Variants in ARHGEF3 observed in about 807,000 individuals in gnomAD.
The protein encoded by ARHGEF3 is Rho guanine nucleotide exchange factor 3.
A neutral mutation model predicts 63.2 loss-of-function variants in ARHGEF3; 28 were observed. The ratio of observed to expected loss-of-function variants is 0.44; its 90% CI spans 0.33 to 0.61. ARHGEF3 has a LOEUF of 0.61. Among genes scored for constraint, ARHGEF3 ranks in the 20% least tolerant of loss-of-function variants. The pLI, the probability that ARHGEF3 is intolerant of heterozygous loss-of-function variation, is 0.03. For missense variants in ARHGEF3, 533 were observed against 659.3 expected (o/e 0.81, Z 2.10); for synonymous variants, 266 against 254.2 (o/e 1.05, Z -0.44).
chr3:56,903,854 C>T (rs2041602472), intron 3 of ARHGEF3, among the ~76,000 whole-genome samples: 1 of 152,066 alleles, frequency 6.6e-6, no homozygotes, highest in African/African-American at 2.4e-5. Flanking sequence ...TCAATATACA[C>T]AGTATTAGAA....
chr3:56,923,076 A>ATATATATATATATAT (rs1491204343), intron 3 of ARHGEF3, among the ~76,000 whole-genome samples: 1 of 131,324 alleles, frequency 7.6e-6, no homozygotes, highest in African/African-American at 3.0e-5. Flanking sequence ...ATATATATAT[A>ATATATATATATATAT]AATTAGTTGG....
chr3:56,929,014 C>A (rs1349733206), intron 3 of ARHGEF3, among the ~76,000 whole-genome samples: 1 of 152,088 alleles, frequency 6.6e-6, no homozygotes, highest in Admixed American at 6.6e-5. Context: ...TAAAGGACAC[C>A]CACAAGGTCA....
At chr3:57,049,442 C>A (rs3856703) in intron 1 of ARHGEF3, among the ~76,000 whole-genome samples, 37,889 of 151,898 alleles carry the variant, frequency 0.25, 5,638 homozygotes, top group East Asian at 0.62. Context: ...GCTCTCGAAA[C>A]TGGAGCAGTC....
intron 2 of ARHGEF3, among the ~76,000 whole-genome samples, chr3:57,022,420 T>C (rs916414943): frequency 1.4e-4 from 21 of 151,298 alleles, no homozygotes; most frequent in African/African-American, 4.9e-4. Context: ...CTGATCTGAA[T>C]GTCATTTTTG....
chr3:56,925,954 T>C (rs146865934), intron 3 of ARHGEF3, among the ~76,000 whole-genome samples: 23 of 152,330 alleles, frequency 1.5e-4, no homozygotes, highest in African/African-American at 5.1e-4. Flanking sequence ...TGAGACCAGC[T>C]TCCTTTGTTC....
chr3:57,055,443 T>C (rs995822420), intron 1 of ARHGEF3, among the ~76,000 whole-genome samples: 3 of 152,328 alleles, frequency 2.0e-5, no homozygotes, highest in South Asian at 2.1e-4. Context: ...ATTACAGGCC[T>C]GAGTCACCCC....
chr3:56,846,962 A>C (rs1239424873), intron 4 of ARHGEF3, among the ~76,000 whole-genome samples: 1 of 152,220 alleles, frequency 6.6e-6, no homozygotes, highest in Non-Finnish European at 1.5e-5. Context: ...AATTACTTTG[A>C]CACAAACAAT....
At chr3:56,942,874 A>T (rs1011636248) in intron 3 of ARHGEF3, among the ~76,000 whole-genome samples, 2 of 152,252 alleles carry the variant, frequency 1.3e-5, no homozygotes, top group Non-Finnish European at 2.9e-5. Context: ...CAGCCACAAC[A>T]TTCCTCTAAG....
chr3:56,832,335 T>C (rs928447893), intron 4 of ARHGEF3, among the ~76,000 whole-genome samples: 14 of 152,216 alleles, frequency 9.2e-5, no homozygotes, highest in African/African-American at 3.4e-4. Context: ...CTTTAAAAAA[T>C]ATATGTAAGT....
intron 2 of ARHGEF3, among the ~76,000 whole-genome samples, chr3:56,773,103 C>T (rs2036094426): frequency 6.6e-6 from 1 of 152,092 alleles, no homozygotes; most frequent in African/African-American, 2.4e-5. Flanking sequence ...TCTGTCACAA[C>T]TACTCAATTA....
chr3:56,923,494 C>T (rs1316983540), intron 3 of ARHGEF3, among the ~76,000 whole-genome samples: 1 of 151,902 alleles, frequency 6.6e-6, no homozygotes, highest in Non-Finnish European at 1.5e-5. Context: ...AACTGGGCAT[C>T]TAAGAAAAAG....
chr3:56,853,557 G>A lies in ARHGEF3; in HGVS notation c.192+28735C>T, dbSNP rs138470483. Among the ~76,000 whole-genome samples the A allele has an allele frequency of 2.3e-3, 357 of 152,162 alleles. 1 individual carries two copies. Among genetic ancestry groups the A allele is most frequent in the African/African-American group, 4.2e-3 (175 of 41,528 alleles). On this transcript the variant is annotated intron_variant, in intron 4 of 12. Transcript: ENST00000338458. ...TCACTGTATTGGCCAGGCTGGTCTCGAACTCCTGACCTGATGATCTGACTG... is the reference window on the plus strand; with the variant it reads ...TCACTGTATTGGCCAGGCTGGTCTCAAACTCCTGACCTGATGATCTGACTG...
intron 3 of ARHGEF3, among the ~76,000 whole-genome samples, chr3:56,946,349 A>G (rs1301771699): frequency 6.6e-6 from 1 of 152,186 alleles, no homozygotes; most frequent in Non-Finnish European, 1.5e-5. Context: ...GAGGAAGTTC[A>G]AACCCATGGC....
At chr3:56,898,176 C>T (rs2041372171) in intron 3 of ARHGEF3, among the ~76,000 whole-genome samples, 1 of 152,090 alleles carries the variant, frequency 6.6e-6, no homozygotes, top group African/African-American at 2.4e-5. Context: ...CTGCACCTGG[C>T]CTGTATCTAT....
chr3:56,776,094 G>A (rs1225959267), intron 1 of ARHGEF3, among the ~76,000 whole-genome samples: 2 of 152,152 alleles, frequency 1.3e-5, no homozygotes, highest in South Asian at 2.1e-4. Flanking sequence ...TTTAAAAAGG[G>A]GCCAGAGAGC....
intron 2 of ARHGEF3, among the ~76,000 whole-genome samples, chr3:57,015,630 C>T (rs1157306628): frequency 1.4e-5 from 2 of 139,374 alleles, no homozygotes; most frequent in Admixed American, 7.6e-5. Context: ...TTAGTACAAA[C>T]GAAGTCTAGT....
At chr3:56,802,406 G>GT (rs896726340), upstream of ARHGEF3, among the ~76,000 whole-genome samples, 118 of 152,090 alleles carry the variant, frequency 7.8e-4, 1 homozygote, top group Middle Eastern at 3.4e-3. Context: ...GCCACTGCAC[G>GT]TTTTTTTTGT....
intron 4 of ARHGEF3, among the ~76,000 whole-genome samples, chr3:56,839,071 C>T (rs1408806784): frequency 6.6e-6 from 1 of 151,900 alleles, no homozygotes; most frequent in Non-Finnish European, 1.5e-5. Flanking sequence ...CCTGGGAGTT[C>T]AAGGCAGCAG....
chr3:56,773,346 C>T (rs1040849679), intron 2 of ARHGEF3, among the ~76,000 whole-genome samples: 2 of 152,204 alleles, frequency 1.3e-5, no homozygotes, highest in East Asian at 1.9e-4. Context: ...TGCAGTTTGC[C>T]GACCCTGGTT....
Sources: gnomAD v4.1 joint callset for allele counts (sites outside exome capture counted in the v4.1 genomes callset) on GRCh38, gnomAD v4.1.1 for gene constraint, MANE v1.5 for transcripts, NCBI Gene and HGNC (gene_info 2026-07-23, HGNC 2026-07-21) for gene names.